The following ZNF804B variants were observed in gnomAD, a reference collection of about 807,000 sequenced individuals.
ZNF804B encodes the protein zinc finger protein 804B.
Under a neutral mutation model 101.4 loss-of-function variants are expected in ZNF804B, and 80 were observed. That is an observed-to-expected ratio of 0.79 (90% CI 0.66 to 0.95). The LOEUF (loss-of-function observed/expected upper bound fraction) is 0.95. Ranked by LOEUF, ZNF804B falls within the 40% of genes least tolerant of loss-of-function variation. ZNF804B has a pLI of 0.00. For synonymous variants in ZNF804B, 622 were observed against 558.8 expected, an observed-to-expected ratio of 1.11 and a Z score of -1.59; for missense variants, 1,673 against 1,561.9, an observed-to-expected ratio of 1.07 and a Z score of -1.20.
intron 1 of ZNF804B, among the ~76,000 whole-genome samples, chr7:89,076,676 A>T (rs1789619064): frequency 6.6e-6 from 1 of 152,206 alleles, no homozygotes; most frequent in East Asian, 1.9e-4. Context: ...TTATTCAAAG[A>T]TTCTTAAGAG....
chr7:89,157,968 A>C (rs1443641907), intron 1 of ZNF804B, among the ~76,000 whole-genome samples: 2 of 152,336 alleles, frequency 1.3e-5, no homozygotes, highest in East Asian at 3.9e-4. Flanking sequence ...GACTCACAGC[A>C]TAAAATACAA....
chr7:88,919,862 A>G (rs190451434), intron 1 of ZNF804B, among the ~76,000 whole-genome samples: 319 of 152,224 alleles, frequency 2.1e-3, no homozygotes, highest in Non-Finnish European at 3.3e-3. Context: ...AGTTCAGTAG[A>G]GAAGAAAAGT....
At chr7:88,900,853 CATT>C (rs1792378811) in intron 1 of ZNF804B, among the ~76,000 whole-genome samples, 1 of 150,708 alleles carries the variant, frequency 6.6e-6, no homozygotes, top group Admixed American at 6.6e-5. Flanking sequence ...GAAAAAAAAA[CATT>C]ATACAGAATT....
At chr7:89,281,391 A>G (rs1438422332) in intron 2 of ZNF804B, among the ~76,000 whole-genome samples, 1 of 152,230 alleles carries the variant, frequency 6.6e-6, no homozygotes, top group African/African-American at 2.4e-5. Context: ...CTAGTGCTAC[A>G]TTGCAGTAGA....
At chr7:89,081,328 C>G (rs1375846566) in intron 1 of ZNF804B, among the ~76,000 whole-genome samples, 1 of 151,842 alleles carries the variant, frequency 6.6e-6, no homozygotes, top group Non-Finnish European at 1.5e-5. Flanking sequence ...AGAAATAACT[C>G]TGGATCTCTC....
chr7:88,805,173 A>G (rs566236416), intron 1 of ZNF804B, among the ~76,000 whole-genome samples: 6 of 152,286 alleles, frequency 3.9e-5, no homozygotes, highest in African/African-American at 1.4e-4. Context: ...TTGGGAAGAC[A>G]GAAATTTTAT....
intron 1 of ZNF804B, among the ~76,000 whole-genome samples, chr7:88,796,309 T>C (rs1250308021): frequency 6.6e-6 from 1 of 152,138 alleles, no homozygotes; most frequent in East Asian, 1.9e-4. Flanking sequence ...TTAATGATAA[T>C]ACAATGATAA....
intron 1 of ZNF804B, among the ~76,000 whole-genome samples, chr7:89,191,874 T>C (rs1788459525): frequency 6.6e-6 from 1 of 152,050 alleles, no homozygotes; most frequent in African/African-American, 2.4e-5. Context: ...TAGCAGTTCA[T>C]CCCGTAAGAA....
intron 1 of ZNF804B, among the ~76,000 whole-genome samples, chr7:89,052,297 C>T (rs1789218638): frequency 6.6e-6 from 1 of 151,898 alleles, no homozygotes; most frequent in Non-Finnish European, 1.5e-5. Flanking sequence ...GCCACCATTC[C>T]CAGCTAATAT....
At chr7:89,271,482 A>G (rs1401942089) in intron 2 of ZNF804B, among the ~76,000 whole-genome samples, 3 of 152,146 alleles carry the variant, frequency 2.0e-5, no homozygotes, top group African/African-American at 7.2e-5. Flanking sequence ...TATTTTATTG[A>G]GGATTTTTGC....
chr7:88,962,644 G>A (rs6966432), intron 1 of ZNF804B, among the ~76,000 whole-genome samples: 14,817 of 143,736 alleles, frequency 0.1, 975 homozygotes, highest in South Asian at 0.19. Context: ...TGCAGTTAAC[G>A]AAGTGACCTT....
At chr7:88,958,753 A>G (rs1227743463) in intron 1 of ZNF804B, among the ~76,000 whole-genome samples, 2 of 151,424 alleles carry the variant, frequency 1.3e-5, no homozygotes, top group Admixed American at 6.6e-5. Flanking sequence ...GATTCTCATG[A>G]TGTAGGATGC....
intron 2 of ZNF804B, among the ~76,000 whole-genome samples, chr7:89,310,662 G>C (rs1057189234): frequency 2.6e-5 from 4 of 152,162 alleles, no homozygotes; most frequent in Non-Finnish European, 4.4e-5. Context: ...CCCTAAACTA[G>C]AGTATAAAAG....
At chr7:88,953,970 C>T (rs1354488824) in intron 1 of ZNF804B, among the ~76,000 whole-genome samples, 1 of 151,598 alleles carries the variant, frequency 6.6e-6, no homozygotes, top group African/African-American at 2.4e-5. Flanking sequence ...TTTTTGTCCA[C>T]ATATTTGTGT....
At chr7:88,995,244 G>C (rs1446302675) in intron 1 of ZNF804B, among the ~76,000 whole-genome samples, 2 of 152,042 alleles carry the variant, frequency 1.3e-5, no homozygotes, top group East Asian at 3.9e-4. Context: ...AAGGATGAGA[G>C]TAAGTTGGTA....
chr7:89,228,631 T>C (rs977772021), intron 2 of ZNF804B, among the ~76,000 whole-genome samples: 3 of 152,256 alleles, frequency 2.0e-5, no homozygotes, highest in Non-Finnish European at 1.5e-5. Context: ...TGCTGATTGG[T>C]GTATTTACAA....
chr7:88,927,367 C>T (rs529392204), intron 1 of ZNF804B, among the ~76,000 whole-genome samples: 132 of 152,194 alleles, frequency 8.7e-4, no homozygotes, highest in African/African-American at 2.8e-3. Flanking sequence ...AAATAGCAAA[C>T]AATATTGTGG....
chr7:88,800,378 G>T (rs967840005), intron 1 of ZNF804B, among the ~76,000 whole-genome samples: 6 of 152,068 alleles, frequency 3.9e-5, no homozygotes, highest in Admixed American at 1.3e-4. Context: ...TTATCAAGGA[G>T]AGCGCAGGCT....
At chr7:89,290,609 C>T (rs996053627) in intron 2 of ZNF804B, among the ~76,000 whole-genome samples, 2 of 152,006 alleles carry the variant, frequency 1.3e-5, no homozygotes, top group Non-Finnish European at 2.9e-5. Context: ...GTGGTGGTAG[C>T]CATTACACCT....
Sources: gnomAD v4.1 joint callset for allele counts (sites outside exome capture counted in the v4.1 genomes callset) on GRCh38, gnomAD v4.1.1 for gene constraint, MANE v1.5 for transcripts, NCBI Gene and HGNC (gene_info 2026-07-23, HGNC 2026-07-21) for gene names.